The following CNTN1 variants were observed in gnomAD, a reference collection of about 807,000 sequenced individuals.
CNTN1 encodes contactin 1.
A neutral mutation model predicts 126.4 loss-of-function variants in CNTN1; 38 were observed. The observed-to-expected ratio is 0.30, with a 90% CI of 0.23 to 0.39. The LOEUF (loss-of-function observed/expected upper bound fraction) is 0.39. CNTN1 is among the 10% of genes least tolerant of loss of function. The pLI is 1.00. For missense variants in CNTN1, 1,009 were observed against 1,248.4 expected, an observed-to-expected ratio of 0.81 and a Z score of 2.89; for synonymous variants, 413 against 422.6, an observed-to-expected ratio of 0.98 and a Z score of 0.28.
intron 1 of CNTN1, among the ~76,000 whole-genome samples, chr12:40,820,754 GGCACCTGAT>G (rs1941417717): frequency 6.6e-6 from 1 of 152,158 alleles, no homozygotes; most frequent in Admixed American, 6.5e-5. Context: ...AAACCATGTT[GGCACCTGAT>G]GCATGGCTAA....
chr12:40,929,160 T>C (rs535713359), intron 6 of CNTN1, among the ~76,000 whole-genome samples: 2 of 152,074 alleles, frequency 1.3e-5, no homozygotes, highest in South Asian at 4.2e-4. Flanking sequence ...CAGTTTTCCA[T>C]TTAACTAGTT....
chr12:40,959,021 T>TTTG, intron 14 of CNTN1, 93 bp from the exon 15 acceptor site: 8 of 1,504,552 alleles, frequency 5.3e-6, no homozygotes, highest in Non-Finnish European at 7.3e-6. Flanking sequence ...TGGTGTTCAT[T>TTTG]TTGTTAGGGG....
chr12:41,008,916 A>G (rs902743761), intron 17 of CNTN1, among the ~76,000 whole-genome samples: 3 of 152,246 alleles, frequency 2.0e-5, no homozygotes, highest in Non-Finnish European at 4.4e-5. Context: ...TGTAAATGTT[A>G]GCTACCTTTA....
chr12:40,948,182 T>C (rs1345474629), intron 14 of CNTN1, among the ~76,000 whole-genome samples: 1 of 151,640 alleles, frequency 6.6e-6, no homozygotes, highest in Non-Finnish European at 1.5e-5. Flanking sequence ...AAGTGGTTAT[T>C]AATACTTTTT....
At chr12:40,747,675 C>T (rs1565680331) in intron 1 of CNTN1, among the ~76,000 whole-genome samples, 1 of 151,926 alleles carries the variant, frequency 6.6e-6, no homozygotes, top group Admixed American at 6.6e-5. Context: ...GGAATCTAGT[C>T]AGGAAGATAT....
Position 41,070,181 on chromosome 12 carries a change from A to G in CNTN1, c.*146A>G. ...AAACTATTCAACTGATTTACAACAC[A>G]CATGATGACTGAGGCATTCGGGAAC... On this transcript the variant is annotated 3_prime_UTR_variant, in exon 24 of 24. Transcript: ENST00000551295. 1 of 732,876 alleles carries G rather than the reference A, an allele frequency of 1.4e-6. No individual in the cohort carries two copies. The highest frequency in any genetic ancestry group is 1.7e-5 in the African/African-American group (1 of 57,722). The allele number at this position is 732,876 out of a possible 1,614,324, so 45.4% of individuals were successfully genotyped here.
intron 13 of CNTN1, 85 bp downstream of exon 13, chr12:40,943,809 G>A (rs1040861741): frequency 2.6e-6 from 4 of 1,522,968 alleles, no homozygotes; most frequent in Middle Eastern, 1.7e-4. Flanking sequence ...CAATGTATTT[G>A]TAAGTTTCTT....
intron 1 of CNTN1, among the ~76,000 whole-genome samples, chr12:40,798,638 A>C (rs1940533950): frequency 6.6e-6 from 1 of 151,990 alleles, no homozygotes; most frequent in South Asian, 2.1e-4. Flanking sequence ...CTAACACAGG[A>C]ACAGAACACC....
intron 1 of CNTN1, among the ~76,000 whole-genome samples, chr12:40,901,671 T>C (rs114672544): frequency 1.6e-3 from 246 of 152,310 alleles, no homozygotes; most frequent in African/African-American, 5.0e-3. Flanking sequence ...GCTGTTGCCA[T>C]CTGAAGACCA....
intron 1 of CNTN1, among the ~76,000 whole-genome samples, chr12:40,845,483 A>C (rs1297311047): frequency 1.3e-5 from 2 of 152,222 alleles, no homozygotes; most frequent in Admixed American, 6.5e-5. Flanking sequence ...AGAACAGAGT[A>C]CCAAGTAAAA....
intron 1 of CNTN1, among the ~76,000 whole-genome samples, chr12:40,867,908 T>TTAG (rs1279849313): frequency 1.3e-5 from 2 of 150,832 alleles, no homozygotes. Context: ...ATTATTATTA[T>TTAG]TTTGTTGATA....
chr12:40,821,400 G>A (rs1227059683), intron 1 of CNTN1, among the ~76,000 whole-genome samples: 1 of 152,172 alleles, frequency 6.6e-6, no homozygotes, highest in Non-Finnish European at 1.5e-5. Flanking sequence ...CTATTTTAAA[G>A]TAACTAAAAT....
chr12:40,975,588 TCA>T (rs762724406), intron 15 of CNTN1, among the ~76,000 whole-genome samples: 96 of 152,216 alleles, frequency 6.3e-4, no homozygotes, highest in South Asian at 3.3e-3. Context: ...TGGAACATTC[TCA>T]GTCAGCATTC....
At chr12:40,855,575 T>A (rs1353055508) in intron 1 of CNTN1, among the ~76,000 whole-genome samples, 1 of 152,084 alleles carries the variant, frequency 6.6e-6, no homozygotes, top group Non-Finnish European at 1.5e-5. Context: ...TTTTAAACAT[T>A]TCCTATAAGG....
At chr12:40,782,706 C>T (rs1939851033) in intron 1 of CNTN1, among the ~76,000 whole-genome samples, 1 of 151,846 alleles carries the variant, frequency 6.6e-6, no homozygotes, top group Non-Finnish European at 1.5e-5. Flanking sequence ...GTGATTTTTC[C>T]AGCTTCATAA....
chr12:40,808,982 T>C (rs1188705448), intron 1 of CNTN1, among the ~76,000 whole-genome samples: 1 of 152,196 alleles, frequency 6.6e-6, no homozygotes. Flanking sequence ...CATATAGTGG[T>C]CACTCTAGTC....
chr12:40,901,162 C>A (rs576681534), intron 1 of CNTN1, among the ~76,000 whole-genome samples: 1 of 151,324 alleles, frequency 6.6e-6, no homozygotes, highest in South Asian at 2.1e-4. Context: ...TGTAGATTGC[C>A]CAAAAATGCA....
chr12:40,715,473 G>A (rs1942026454), intron 1 of CNTN1, among the ~76,000 whole-genome samples: 1 of 151,882 alleles, frequency 6.6e-6, no homozygotes, highest in African/African-American at 2.4e-5. Flanking sequence ...TTTATTAATT[G>A]GTGCAAAAGT....
chr12:41,025,379 C>T lies in CNTN1; in HGVS notation c.2710+43C>T, dbSNP rs775635146. 5.7e-6 allele frequency: 9 copies of T among 1,579,012 alleles called. 1 individual carries two copies. Among genetic ancestry groups the T allele is most frequent in the African/African-American group, 5.4e-5 (4 of 74,312 alleles). On this transcript the variant is annotated intron_variant, in intron 21 of 23. Coordinates refer to ENST00000551295, the MANE Select transcript of CNTN1 (RefSeq NM_001843.4). The stretch of plus-strand genomic sequence containing the variant: ...TTTTTAGACTTGTCAAAAACTACCA[C>T]TGGATTCAATCATGATACGAATATA...
Sources: allele counts gnomAD v4.1 joint callset (sites outside exome capture counted in the v4.1 genomes callset), GRCh38; gene constraint gnomAD v4.1.1; transcripts MANE v1.5; gene names NCBI Gene and HGNC (gene_info 2026-07-23, HGNC 2026-07-21).